The following MKX variants were observed in gnomAD, a reference collection of about 807,000 sequenced individuals.
The protein encoded by MKX is mohawk homeobox, also known as homeobox protein Mohawk.
Under a neutral mutation model 36.0 loss-of-function variants are expected in MKX, and 13 were observed. That is an observed-to-expected ratio of 0.36 (90% CI 0.24 to 0.57). The LOEUF (loss-of-function observed/expected upper bound fraction) is 0.57, where lower values mean the gene tolerates loss of function less well. MKX is among the 20% of genes least tolerant of loss of function. MKX has a pLI of 0.79. For missense variants in MKX, 458 were observed against 456.4 expected, an observed-to-expected ratio of 1.00 and a Z score of -0.03; for synonymous variants, 176 against 178.3, an observed-to-expected ratio of 0.99 and a Z score of 0.10.
chr10:27,675,481 G>A (rs747857869), intron 6 of MKX, 40 bp downstream of exon 6: 6 of 1,613,902 alleles, frequency 3.7e-6, no homozygotes, highest in East Asian at 2.2e-5. Context: ...AAATGCCATC[G>A]CTGAAAAGCA....
At chr10:27,743,649 C>T (rs1161753922) in intron 1 of MKX, 152 bp from the exon 2 acceptor site, 6 of 511,462 alleles carry the variant, frequency 1.2e-5, no homozygotes, top group Non-Finnish European at 2.0e-5. Context: ...CGGCTCTCCC[C>T]AGTTGGCTAC....
At chr10:27,738,008 G>T (rs918253440) in intron 3 of MKX, among the ~76,000 whole-genome samples, 8 of 152,000 alleles carry the variant, frequency 5.3e-5, no homozygotes. Flanking sequence ...AACTTTTCAT[G>T]TATAGGAGTC....
chr10:27,679,455 G>A (rs564475845), intron 5 of MKX, among the ~76,000 whole-genome samples: 1 of 152,286 alleles, frequency 6.6e-6, no homozygotes, highest in Non-Finnish European at 1.5e-5. Context: ...ATGAATTGAT[G>A]TTAGAAGGGC....
chr10:27,739,278 G>A (rs929414972), intron 3 of MKX, among the ~76,000 whole-genome samples: 10 of 151,956 alleles, frequency 6.6e-5, no homozygotes, highest in Admixed American at 3.3e-4. Context: ...CATAAGATCC[G>A]TTGGTAATTC....
chr10:27,743,348 C>G lies in MKX; in HGVS notation c.68G>C (p.Arg23Pro), dbSNP rs759771110. The G allele has an allele frequency of 3.2e-6, 5 of 1,581,026 alleles. No individual in the cohort carries two copies. The highest frequency in any genetic ancestry group is 4.3e-6 in the Non-Finnish European group (5 of 1,166,348). The change falls in exon 2 of 7, where the codon CGG (arginine) becomes CCG (proline). Residue 23 changes from arginine (R) to proline (P), a missense_variant. Around this residue, in one of 3 missense-constraint regions of MKX, gnomAD observed 149 missense variants for 114.3 expected, o/e 1.30. Transcript: ENST00000419761. ...GCTGTAGGGCCGGCCACCCCGCTCC[C>G]GCTCCGAGGCGCCTCCGTCCTCAAA... is the stretch of plus-strand genomic sequence containing the variant. ...VLFEDGGASE[R>P]ERGGRPYSGV...
At chr10:27,711,920 C>G (rs1836880643) in intron 5 of MKX, among the ~76,000 whole-genome samples, 1 of 152,052 alleles carries the variant, frequency 6.6e-6, no homozygotes, top group Admixed American at 6.5e-5. Flanking sequence ...CCATAAAGGA[C>G]AAGAAGCAGG....
chr10:27,683,057 C>T (rs760263085), intron 5 of MKX, among the ~76,000 whole-genome samples: 3 of 151,910 alleles, frequency 2.0e-5, no homozygotes, highest in Non-Finnish European at 4.4e-5. Flanking sequence ...ATAGGTTTTG[C>T]GCTCCTGGGA....
intron 5 of MKX, among the ~76,000 whole-genome samples, chr10:27,687,229 C>A (rs1488353334): frequency 1.3e-5 from 2 of 152,120 alleles, no homozygotes; most frequent in Non-Finnish European, 2.9e-5. Flanking sequence ...TGGTCTCGAA[C>A]ACATGACCTC....
chr10:27,703,156 A>G (rs1027920664), intron 5 of MKX, among the ~76,000 whole-genome samples: 2 of 152,196 alleles, frequency 1.3e-5, no homozygotes, highest in Admixed American at 6.5e-5. Flanking sequence ...TAATTCCTAA[A>G]AGAGTGCCAT....
chr10:27,682,509 T>C (rs1189399279), intron 5 of MKX, among the ~76,000 whole-genome samples: 1 of 152,350 alleles, frequency 6.6e-6, no homozygotes, highest in Non-Finnish European at 1.5e-5. Context: ...GCTCTGTTCA[T>C]GGTAAGTGCC....
At position 27,742,438 on chromosome 10, in the gene MKX, C is replaced by T. The variant is rs1001151181; in HGVS notation, c.188+790G>A. 1.7e-4 allele frequency among the ~76,000 whole-genome samples: 26 copies of T among 152,276 alleles called. No individual in the cohort carries two copies. The highest frequency in any genetic ancestry group is 5.2e-4 in the Admixed American group (8 of 15,306). Reference sequence around the variant, plus strand: ...TAGTAACATTTTGACGAAACCGAATCTCTGTTTTACTAAGCAGCGACGCCG... The same window carrying T: ...TAGTAACATTTTGACGAAACCGAATTTCTGTTTTACTAAGCAGCGACGCCG... On this transcript the variant is annotated intron_variant, in intron 2 of 6. Coordinates refer to ENST00000419761, the MANE Select transcript of MKX (RefSeq NM_173576.3). The surrounding 1 kb of genome is among the most constrained non-coding windows in gnomAD (Gnocchi z 4.2).
intron 5 of MKX, among the ~76,000 whole-genome samples, chr10:27,704,920 A>T (rs1836722235): frequency 6.6e-6 from 1 of 152,196 alleles, no homozygotes; most frequent in African/African-American, 2.4e-5. Flanking sequence ...TATATAACTA[A>T]TTTGGGCAAA....
intron 3 of MKX, among the ~76,000 whole-genome samples, chr10:27,738,929 G>A (rs556163287): frequency 8.6e-5 from 13 of 152,034 alleles, no homozygotes; most frequent in African/African-American, 1.9e-4. Flanking sequence ...AATATTTAAC[G>A]TTACTATAAG....
chr10:27,677,079 C>T (rs1402558802), intron 5 of MKX, among the ~76,000 whole-genome samples: 3 of 152,048 alleles, frequency 2.0e-5, no homozygotes, highest in African/African-American at 2.4e-5. Context: ...GCATGGCATC[C>T]GAGCAAAGGA....
Position 27,686,388 on chromosome 10 carries a change from GAA to G in MKX, c.839-10836_839-10835del, listed in dbSNP as rs1196565106. ...AGAAAGAAAGAAAGGGAAGGGAAGG[GAA>G]GGGAAAGGAAGGAAGGAAGGAAGGA... On this transcript the variant is annotated intron_variant, in intron 5 of 6. Coordinates refer to ENST00000419761, the MANE Select transcript of MKX (RefSeq NM_173576.3). Among the ~76,000 whole-genome samples, 61 of 126,058 alleles carry G rather than the reference GAA, an allele frequency of 4.8e-4. 2 individuals are homozygous for G. The highest frequency in any genetic ancestry group is 1.9e-3 in the African/African-American group (60 of 31,950). The allele number at this position is 126,058 out of a possible 152,430, so 82.7% of individuals were successfully genotyped here.
chr10:27,679,901 G>A (rs1836222828), intron 5 of MKX, among the ~76,000 whole-genome samples: 1 of 152,070 alleles, frequency 6.6e-6, no homozygotes, highest in Non-Finnish European at 1.5e-5. Flanking sequence ...TGTCTTTGCA[G>A]CTCATGGTCA....
At chr10:27,728,636 G>A (rs1834548417) in intron 5 of MKX, among the ~76,000 whole-genome samples, 1 of 152,170 alleles carries the variant, frequency 6.6e-6, no homozygotes, top group Non-Finnish European at 1.5e-5. Context: ...TGGTTGTTTA[G>A]AACAGAATAC....
chr10:27,680,011 G>A (rs1306910686), intron 5 of MKX, among the ~76,000 whole-genome samples: 1 of 152,104 alleles, frequency 6.6e-6, no homozygotes, highest in African/African-American at 2.4e-5. Context: ...GGCTCCACTC[G>A]AGAAGTGGCA....
At position 27,743,464 on chromosome 10, in the gene MKX, G is replaced by C; in HGVS notation, c.-49C>G. ...GGCGCGGCCGCAGAGCCTCGGGGCTGGGCCGCCGGGAGCTCCGCAGCGGGG... is the reference window on the plus strand; with the variant it reads ...GGCGCGGCCGCAGAGCCTCGGGGCTCGGCCGCCGGGAGCTCCGCAGCGGGG... On this transcript the variant is annotated 5_prime_UTR_variant, in exon 2 of 7. Coordinates refer to ENST00000419761, the MANE Select transcript of MKX (RefSeq NM_173576.3). 6.8e-7 allele frequency: 1 copy of C among 1,469,360 alleles called. No individual in the cohort carries two copies. Among genetic ancestry groups the C allele is most frequent in the Non-Finnish European group, 9.0e-7 (1 of 1,116,022 alleles). 91.0% of individuals were successfully genotyped at this position (1,469,360 alleles called of 1,614,324 possible). A position where few individuals can be genotyped will look rare whatever the true frequency, so the allele number is the denominator to read the frequency against.
Sources: allele counts gnomAD v4.1 joint callset (sites outside exome capture counted in the v4.1 genomes callset), GRCh38; gene constraint gnomAD v4.1.1; regional missense constraint gnomAD v4.1.1; non-coding constraint Gnocchi (gnomAD v3.1); transcripts MANE v1.5; gene names NCBI Gene and HGNC (gene_info 2026-07-23, HGNC 2026-07-21).